ASIC2: variants seen among roughly 807,000 people sequenced by gnomAD.
ASIC2 encodes the protein acid-sensing ion channel 2.
In ASIC2, 25 loss-of-function variants were observed where a neutral mutation model predicts 57.3. That is an observed-to-expected ratio of 0.44 (90% CI 0.32 to 0.61). ASIC2 has a LOEUF of 0.61. Ranked by LOEUF, ASIC2 falls within the 20% of genes least tolerant of loss-of-function variation. The pLI, the probability that ASIC2 is intolerant of heterozygous loss-of-function variation, is 0.06. For missense variants in ASIC2, 641 were observed against 738.1 expected (o/e 0.87, Z 1.52); for synonymous variants, 319 against 307.5 (o/e 1.04, Z -0.39).
At chr17:33,419,098 T>C (rs1317045222) in intron 1 of ASIC2, among the ~76,000 whole-genome samples, 1 of 152,104 alleles carries the variant, frequency 6.6e-6, no homozygotes, top group Non-Finnish European at 1.5e-5. Flanking sequence ...ACTTAAAGTA[T>C]GGTAATAAAA....
intron 1 of ASIC2, among the ~76,000 whole-genome samples, chr17:33,909,624 C>G (rs1041557501): frequency 1.3e-5 from 2 of 152,166 alleles, no homozygotes; most frequent in Non-Finnish European, 2.9e-5. Context: ...TACATGTGCC[C>G]TGGAGTCCGA....
chr17:33,718,751 T>C (rs901250834), intron 1 of ASIC2, among the ~76,000 whole-genome samples: 1 of 152,126 alleles, frequency 6.6e-6, no homozygotes, highest in Non-Finnish European at 1.5e-5. Flanking sequence ...GGGAGAACAC[T>C]GGTGTCTGCT....
chr17:34,026,698 C>T (rs890581980), intron 1 of ASIC2, among the ~76,000 whole-genome samples: 4 of 152,186 alleles, frequency 2.6e-5, no homozygotes, highest in African/African-American at 9.7e-5. Flanking sequence ...ATCAACTCCC[C>T]AAATGCCAAA....
At chr17:33,361,987 C>A (rs779489483) in intron 1 of ASIC2, among the ~76,000 whole-genome samples, 2 of 152,232 alleles carry the variant, frequency 1.3e-5, no homozygotes, top group East Asian at 1.9e-4. Context: ...CTCTTCCAGA[C>A]GAATTTAATT....
intron 1 of ASIC2, among the ~76,000 whole-genome samples, chr17:33,927,072 T>G (rs893028906): frequency 1.3e-5 from 2 of 151,990 alleles, no homozygotes; most frequent in African/African-American, 4.8e-5. Context: ...GGGATTACAG[T>G]CATGTGCCAA....
chr17:33,167,422 T>C (rs1905344829), intron 1 of ASIC2, among the ~76,000 whole-genome samples: 1 of 152,208 alleles, frequency 6.6e-6, no homozygotes, highest in Admixed American at 6.5e-5. Flanking sequence ...TCACACTAGT[T>C]GAGTTCCTTG....
chr17:33,901,047 C>T (rs1475264126), intron 1 of ASIC2, among the ~76,000 whole-genome samples: 2 of 152,182 alleles, frequency 1.3e-5, no homozygotes, highest in Non-Finnish European at 2.9e-5. Context: ...AATCTAGCCA[C>T]GTGTAATATC....
At chr17:33,045,156 G>A (rs2091948017) in intron 3 of ASIC2, among the ~76,000 whole-genome samples, 1 of 152,112 alleles carries the variant, frequency 6.6e-6, no homozygotes, top group African/African-American at 2.4e-5. Flanking sequence ...AATTGTTAAT[G>A]TGAATCCTAC....
chr17:33,266,899 G>A (rs1486810535), intron 1 of ASIC2, among the ~76,000 whole-genome samples: 1 of 152,116 alleles, frequency 6.6e-6, no homozygotes, highest in Non-Finnish European at 1.5e-5. Context: ...AGAGTGAGGT[G>A]GGGTGCTTGA....
At chr17:33,626,436 A>C (rs146120212) in intron 1 of ASIC2, among the ~76,000 whole-genome samples, 120 of 152,348 alleles carry the variant, frequency 7.9e-4, no homozygotes, top group African/African-American at 2.8e-3. Flanking sequence ...CTTTGAGGAC[A>C]ATATTCATAA....
chr17:33,655,737 T>G (rs1355051238), intron 1 of ASIC2, among the ~76,000 whole-genome samples: 1 of 152,250 alleles, frequency 6.6e-6, no homozygotes, highest in African/African-American at 2.4e-5. Context: ...TTTTTCTATT[T>G]TTCATGTCCA....
intron 1 of ASIC2, among the ~76,000 whole-genome samples, chr17:33,395,549 T>C (rs1447854638): frequency 6.6e-6 from 1 of 152,202 alleles, no homozygotes; most frequent in Non-Finnish European, 1.5e-5. Flanking sequence ...GAATTCGAGA[T>C]GAGATTTGGG....
rs1021099700 is a variant in ASIC2, at chr17:33,596,249, G to A, written c.556-484182C>T. Among the ~76,000 whole-genome samples, 88 of 152,174 alleles carry A rather than the reference G, an allele frequency of 5.8e-4. 1 individual carries two copies. The highest frequency in any genetic ancestry group is 2.0e-3 in the African/African-American group (85 of 41,508). On this transcript the variant is annotated intron_variant, in intron 1 of 9. Transcript: ENST00000359872. The stretch of plus-strand genomic sequence containing the variant: ...CCTTCCTCTAATTATCAACATGTAG[G>A]CATGAAATGACTTTGTGACATGCTT...
intron 1 of ASIC2, among the ~76,000 whole-genome samples, chr17:33,893,424 T>G (rs987076155): frequency 2.0e-5 from 3 of 152,188 alleles, no homozygotes; most frequent in African/African-American, 4.8e-5. Context: ...GATTTTCTCA[T>G]CTTAAAAATA....
At chr17:33,912,872 T>G (rs2141960160) in intron 1 of ASIC2, among the ~76,000 whole-genome samples, 1 of 151,426 alleles carries the variant, frequency 6.6e-6, no homozygotes, top group Non-Finnish European at 1.5e-5. Flanking sequence ...CCAGCTACAC[T>G]GGAGGCTGAG....
rs34352956 is a variant in ASIC2, at chr17:33,290,961, C to CTT, written c.708+445_708+446dup. ...TGATGATCCATTTTTCAAGCGCTTCCTTTTTTTTTTTTTTTTTTTTAAGAG... is the reference window on the plus strand; with the variant it reads ...TGATGATCCATTTTTCAAGCGCTTCCTTTTTTTTTTTTTTTTTTTTTTAAGAG... On this transcript the variant is annotated intron_variant, in intron 1 of 9. Coordinates refer to ENST00000225823, the MANE Select transcript of ASIC2 (RefSeq NM_183377.2). 3.5e-3 allele frequency: 438 copies of CTT among 124,468 alleles called. 3 individuals are homozygous for CTT. Among genetic ancestry groups the CTT allele is most frequent in the East Asian group, 0.022 (90 of 4,144 alleles). The allele number at this position is 124,468 out of a possible 1,614,324, so 7.7% of individuals were successfully genotyped here. A position where few individuals can be genotyped will look rare whatever the true frequency, so the allele number is the denominator to read the frequency against.
intron 1 of ASIC2, among the ~76,000 whole-genome samples, chr17:33,240,782 T>C (rs1908472083): frequency 1.3e-5 from 2 of 152,154 alleles, no homozygotes; most frequent in African/African-American, 4.8e-5. Context: ...CCTCTGGGTG[T>C]CTTCCTCCAT....
chr17:33,795,151 T>G (rs939977914), intron 1 of ASIC2, among the ~76,000 whole-genome samples: 7 of 152,204 alleles, frequency 4.6e-5, no homozygotes, highest in Non-Finnish European at 7.3e-5. Context: ...CCATGAAGAC[T>G]GTCTGTACTG....
chr17:33,094,510 T>C (rs2141970709), intron 2 of ASIC2, among the ~76,000 whole-genome samples: 1 of 152,288 alleles, frequency 6.6e-6, no homozygotes, highest in East Asian at 1.9e-4. Context: ...CTCCTTTTAG[T>C]ATTCAATTTG....
Sources: allele counts gnomAD v4.1 joint callset (sites outside exome capture counted in the v4.1 genomes callset), GRCh38; gene constraint gnomAD v4.1.1; transcripts MANE v1.5; gene names NCBI Gene and HGNC (gene_info 2026-07-23, HGNC 2026-07-21).